The following ADGRG3 variants were observed in gnomAD, a reference collection of about 807,000 sequenced individuals.
ADGRG3 encodes adhesion G protein-coupled receptor G3.
In ADGRG3, 39 loss-of-function variants were observed where a neutral mutation model predicts 54.3. The ratio of observed to expected loss-of-function variants is 0.72; its 90% CI spans 0.56 to 0.94. ADGRG3 has a LOEUF of 0.94. ADGRG3 is among the 40% of genes least tolerant of loss of function. The pLI is 0.00. For synonymous variants in ADGRG3, 312 were observed against 290.0 expected (o/e 1.08, Z -0.77); for missense variants, 654 against 694.6 (o/e 0.94, Z 0.66).
At position 57,679,177 on chromosome 16, in the gene ADGRG3, G is replaced by C; in HGVS notation, c.493G>C (p.Gly165Arg). 1.9e-6 allele frequency: 3 copies of C among 1,613,640 alleles called. No homozygotes were observed. The highest frequency in any genetic ancestry group is 2.5e-6 in the Non-Finnish European group (3 of 1,179,864). ...LDIGPGTLFK[G>R]PRLGLGDGSG... ...GCCTCCCCGATCTCCCCTTTCACAG[G>C]GCCCCCGGCTCGGCCTGGGAGATGG... Residue 165 changes from glycine to arginine, a missense_variant and splice_region_variant, in exon 5 of 12, where the codon GGC (glycine) becomes CGC (arginine). Physicochemically the swap from Gly to Arg is moderately radical, Grantham distance 125. Transcript: ENST00000333493.
chr16:57,679,912 T>A (rs567665237), intron 6 of ADGRG3, 57 bp downstream of exon 6: 1 of 1,410,380 alleles, frequency 7.1e-7, no homozygotes, highest in African/African-American at 1.4e-5. Context: ...ATGGGCTGCA[T>A]TGTGGGGCGG....
intron 3 of ADGRG3, 96 bp downstream of exon 3, chr16:57,676,434 TAGGG>T: frequency 8.3e-7 from 1 of 1,206,286 alleles, no homozygotes. Context: ...GTGATATAAC[TAGGG>T]CTTGTCCCTC....
chr16:57,673,554 G>T, intron 2 of ADGRG3, 86 bp downstream of exon 2: 7 of 1,309,676 alleles, frequency 5.3e-6, no homozygotes, highest in Non-Finnish European at 7.4e-6. Context: ...CTTCCCCCAT[G>T]GCCCCAGAAA....
chr16:57,688,267 C>T (rs1219638564), intron 11 of ADGRG3, 85 bp from the exon 12 acceptor site: 2 of 851,242 alleles, frequency 2.3e-6, no homozygotes, highest in Non-Finnish European at 4.1e-6. Context: ...GGTGGGTCTC[C>T]TCCCTCTCAG....
chr16:57,677,353 C>T (rs1253470423), intron 3 of ADGRG3, among the ~76,000 whole-genome samples: 2 of 152,104 alleles, frequency 1.3e-5, no homozygotes, highest in Non-Finnish European at 1.5e-5. Context: ...GAGGCCAAGG[C>T]GGACGGATCA....
At chr16:57,687,250 CTTT>C (rs66743360) in intron 11 of ADGRG3, among the ~76,000 whole-genome samples, 2 of 147,030 alleles carry the variant, frequency 1.4e-5, no homozygotes, top group Admixed American at 1.4e-4. Flanking sequence ...ATCTCACCAG[CTTT>C]TTTTTTTTTT....
chr16:57,687,619 C>T (rs934725960), intron 11 of ADGRG3, among the ~76,000 whole-genome samples: 66 of 152,184 alleles, frequency 4.3e-4, no homozygotes, highest in African/African-American at 1.6e-3. Context: ...TATGTGGGAA[C>T]TATATTAATA....
chr16:57,678,982 C>T, intron 4 of ADGRG3, 195 bp from the exon 5 acceptor site: 1 of 626,954 alleles, frequency 1.6e-6, no homozygotes, highest in Non-Finnish European at 2.8e-6. Context: ...TTGACCTGGC[C>T]CAGCCCAAGC....
chr16:57,675,615 A>G (rs1200754815), intron 2 of ADGRG3, among the ~76,000 whole-genome samples: 3 of 152,232 alleles, frequency 2.0e-5, no homozygotes, highest in Admixed American at 6.5e-5. Flanking sequence ...TGGGTGACAC[A>G]GTGAGACAGT....
chr16:57,682,313 C>T (rs2048388438), intron 8 of ADGRG3, among the ~76,000 whole-genome samples: 1 of 152,186 alleles, frequency 6.6e-6, no homozygotes, highest in Admixed American at 6.5e-5. Context: ...CTGGGGGTGG[C>T]CTAAAGCAGC....
At chr16:57,677,240 G>C (rs914379605) in intron 3 of ADGRG3, among the ~76,000 whole-genome samples, 6 of 152,184 alleles carry the variant, frequency 3.9e-5, no homozygotes, top group South Asian at 4.1e-4. Context: ...GGCCCTGGGT[G>C]GGTCAGGCTG....
rs148329745 is a variant in ADGRG3 at position 57,675,563 on chromosome 16, G to A, written c.207-637G>A. ...GCAGAATCGCTTGAACCCGGGAGGC[G>A]GAGGTTGCAGTGAGCTGAGATTGTG... On this transcript the variant is annotated intron_variant, in intron 2 of 11. Transcript: ENST00000333493. Among the ~76,000 whole-genome samples the A allele has an allele frequency of 7.6e-3, 1,156 of 152,132 alleles. 6 individuals are homozygous for A. Among genetic ancestry groups the A allele is most frequent in the South Asian group, 0.014 (66 of 4,802 alleles).
At chr16:57,667,122 A>C (rs1451004639), upstream of ADGRG3, among the ~76,000 whole-genome samples, 1 of 152,130 alleles carries the variant, frequency 6.6e-6, no homozygotes, top group Admixed American at 6.5e-5. Context: ...CTGCTCCCAC[A>C]CCATGAGTGA....
Position 57,673,469 on chromosome 16 carries a change from G to A in ADGRG3, c.206+1G>A, listed in dbSNP as rs1325767917. 1.3e-6 allele frequency: 2 copies of A among 1,597,526 alleles called. No homozygotes were observed. Among genetic ancestry groups the A allele is most frequent in the Non-Finnish European group, 1.7e-6 (2 of 1,166,120 alleles). ...CCTGCAATGTGGAAAACTTGCAGAG[G>A]TGAGGGGGCCCCCTGAGCTGGAGGG... On this transcript the variant is annotated splice_donor_variant, in intron 2 of 11. Coordinates refer to ENST00000333493, the MANE Select transcript of ADGRG3 (RefSeq NM_170776.5). LOFTEE classifies it high-confidence loss of function.
chr16:57,679,586 C>T (rs1460359336), intron 5 of ADGRG3, among the ~76,000 whole-genome samples: 2 of 152,144 alleles, frequency 1.3e-5, no homozygotes, highest in African/African-American at 4.8e-5. Context: ...TGCAGACAGG[C>T]AAACCCTCCT....
chr16:57,676,127 A>C (rs577513972), intron 2 of ADGRG3, 73 bp from the exon 3 acceptor site: 2 of 1,445,036 alleles, frequency 1.4e-6, no homozygotes, highest in Non-Finnish European at 1.9e-6. Context: ...CAGCCCTCTC[A>C]CCCCAGGAGC....
Position 57,685,899 on chromosome 16 carries a change from A to G in ADGRG3, c.1513A>G (p.Ile505Val), listed in dbSNP as rs758135181. 6.2e-7 allele frequency: 1 copy of G among 1,614,104 alleles called. No homozygotes were observed. The change falls in exon 11 of 12, where the codon ATC (isoleucine) becomes GTC (valine). Residue 505 changes from isoleucine to valine, a missense_variant. Coordinates refer to ENST00000333493, the MANE Select transcript of ADGRG3 (RefSeq NM_170776.5). ...FTPLGLSTVYIFALFNSLQGV... is the reference protein window; with the variant it reads ...FTPLGLSTVYVFALFNSLQGV... ...CCCGTTGGGCCTCTCCACCGTCTAC[A>G]TCTTTGCACTTTTCAACTCCTTGCA... is the stretch of plus-strand genomic sequence containing the variant.
chr16:57,688,152 G>C (rs555412779), intron 11 of ADGRG3, among the ~76,000 whole-genome samples, 200 bp from the exon 12 acceptor site: 1 of 152,232 alleles, frequency 6.6e-6, no homozygotes, highest in African/African-American at 2.4e-5. Flanking sequence ...GAAGGTCTCT[G>C]TTTTTCATTT....
At chr16:57,668,450 C>G (rs778665026) in intron 1 of ADGRG3, 45 bp downstream of exon 1, 1 of 1,500,386 alleles carries the variant, frequency 6.7e-7, no homozygotes, top group East Asian at 2.4e-5. Flanking sequence ...CTGGGCCGAC[C>G]CTGCCCTGCC....
Sources: gnomAD v4.1 joint callset for allele counts (sites outside exome capture counted in the v4.1 genomes callset) on GRCh38, gnomAD v4.1.1 for gene constraint, MANE v1.5 for transcripts, NCBI Gene and HGNC (gene_info 2026-07-23, HGNC 2026-07-21) for gene names.